The following GMDS variants were observed in gnomAD, a reference collection of about 807,000 sequenced individuals.
The protein encoded by GMDS is GDP-mannose 4,6 dehydratase.
In GMDS, 20 loss-of-function variants were observed where a neutral mutation model predicts 49.9. That is an observed-to-expected ratio of 0.40 (90% confidence interval 0.28 to 0.58). The LOEUF (loss-of-function observed/expected upper bound fraction) is 0.58. Among genes scored for constraint, GMDS ranks in the 20% least tolerant of loss-of-function variants. The pLI is 0.42. For missense variants in GMDS, 362 were observed against 481.4 expected, an observed-to-expected ratio of 0.75 and a Z score of 2.32; for synonymous variants, 177 against 178.6, an observed-to-expected ratio of 0.99 and a Z score of 0.07.
intron 7 of GMDS, among the ~76,000 whole-genome samples, chr6:1,838,651 C>A (rs1470265324): frequency 6.6e-6 from 1 of 152,090 alleles, no homozygotes; most frequent in Non-Finnish European, 1.5e-5. Flanking sequence ...GTATGAAGAG[C>A]GGAGGAATTC....
At chr6:1,686,424 G>A (rs917465707) in intron 9 of GMDS, among the ~76,000 whole-genome samples, 2 of 152,188 alleles carry the variant, frequency 1.3e-5, no homozygotes, top group Non-Finnish European at 2.9e-5. Context: ...GGGTGTGGGG[G>A]GAAGCTGATG....
chr6:1,767,248 A>G (rs1396717963), intron 7 of GMDS, among the ~76,000 whole-genome samples: 1 of 139,392 alleles, frequency 7.2e-6, no homozygotes, highest in Non-Finnish European at 1.5e-5. Context: ...TCCTTTGTAA[A>G]ATGGCTAATT....
intron 7 of GMDS, among the ~76,000 whole-genome samples, chr6:1,862,698 C>T (rs899069523): frequency 6.6e-6 from 1 of 152,218 alleles, no homozygotes; most frequent in South Asian, 2.1e-4. Context: ...TTGAAAACAT[C>T]TAACGTTTTA....
intron 2 of GMDS, among the ~76,000 whole-genome samples, chr6:2,122,357 A>G (rs1775186096): frequency 6.6e-6 from 1 of 152,188 alleles, no homozygotes; most frequent in Admixed American, 6.5e-5. Flanking sequence ...GATGCACACT[A>G]AAGGCTGAGA....
At chr6:2,010,802 G>A (rs570085377) in intron 4 of GMDS, among the ~76,000 whole-genome samples, 1 of 152,120 alleles carries the variant, frequency 6.6e-6, no homozygotes, top group African/African-American at 2.4e-5. Flanking sequence ...ATATTGCAGG[G>A]TTAAAAACAT....
At chr6:1,763,876 C>A (rs933369309) in intron 7 of GMDS, among the ~76,000 whole-genome samples, 2 of 152,178 alleles carry the variant, frequency 1.3e-5, no homozygotes, top group Non-Finnish European at 2.9e-5. Context: ...TGTCTCCACA[C>A]TGGGGGCACA....
chr6:1,863,937 T>G (rs1193402639), intron 7 of GMDS, among the ~76,000 whole-genome samples: 1 of 152,180 alleles, frequency 6.6e-6, no homozygotes, highest in African/African-American at 2.4e-5. Context: ...AAAAAAGCAT[T>G]AATCAATTTC....
At chr6:2,017,476 T>C (rs1345919107) in intron 4 of GMDS, among the ~76,000 whole-genome samples, 6 of 152,074 alleles carry the variant, frequency 3.9e-5, no homozygotes, top group African/African-American at 1.4e-4. Context: ...ACCCAGCTAA[T>C]TTTTGTATTT....
intron 1 of GMDS, among the ~76,000 whole-genome samples, chr6:2,173,412 T>C (rs1258246792): frequency 6.6e-6 from 1 of 152,188 alleles, no homozygotes; most frequent in Non-Finnish European, 1.5e-5. Flanking sequence ...ATTTGATAAC[T>C]TTAACTAATA....
rs995151406 is a variant in GMDS at position 2,191,781 on chromosome 6, G to A, written c.102+53540C>T. 6.6e-6 allele frequency among the ~76,000 whole-genome samples: 1 copy of A among 152,320 alleles called. No homozygotes were observed. Among genetic ancestry groups the A allele is most frequent in the East Asian group, 1.9e-4 (1 of 5,176 alleles). On this transcript the variant is annotated intron_variant, in intron 1 of 10. Coordinates refer to ENST00000380815, the MANE Select transcript of GMDS (RefSeq NM_001500.4). The surrounding 1 kb of genome is among the most constrained non-coding windows in gnomAD (Gnocchi z 4.6). ...CAGGTACCCCATGGATGAGCAGCCT[G>A]GGTACCACAGACCATGGCAGGAAGC...
chr6:1,685,319 C>T (rs1435234891), intron 9 of GMDS, among the ~76,000 whole-genome samples: 1 of 152,038 alleles, frequency 6.6e-6, no homozygotes. Flanking sequence ...GAGCCGAGAT[C>T]ACGCCACTGC....
intron 7 of GMDS, among the ~76,000 whole-genome samples, chr6:1,792,007 A>G (rs1177760911): frequency 6.6e-6 from 1 of 152,102 alleles, no homozygotes; most frequent in Non-Finnish European, 1.5e-5. Flanking sequence ...TGATCGATGT[A>G]TTTGAGGAAT....
chr6:2,032,283 C>G (rs973585179), intron 4 of GMDS, among the ~76,000 whole-genome samples: 1 of 152,086 alleles, frequency 6.6e-6, no homozygotes, highest in Non-Finnish European at 1.5e-5. Flanking sequence ...GGAAAGTAGC[C>G]CAGGTCAAGG....
chr6:1,894,703 T>C (rs1732233142), intron 7 of GMDS, among the ~76,000 whole-genome samples: 1 of 152,212 alleles, frequency 6.6e-6, no homozygotes, highest in African/African-American at 2.4e-5. Flanking sequence ...AAAAGCATTA[T>C]AGAGAAATGG....
chr6:2,149,183 T>C (rs183335253), intron 1 of GMDS, among the ~76,000 whole-genome samples: 3 of 152,232 alleles, frequency 2.0e-5, no homozygotes, highest in East Asian at 1.9e-4. Context: ...TTGGAATGCT[T>C]AGCTCACAGA....
chr6:1,711,736 T>C (rs918507624), intron 9 of GMDS, among the ~76,000 whole-genome samples: 5 of 152,216 alleles, frequency 3.3e-5, no homozygotes, highest in South Asian at 2.1e-4. Flanking sequence ...TGCATACCCC[T>C]TCCGTGCCCC....
intron 1 of GMDS, among the ~76,000 whole-genome samples, chr6:2,177,479 A>G (rs1778335775): frequency 6.6e-6 from 1 of 152,204 alleles, no homozygotes; most frequent in Admixed American, 6.5e-5. Flanking sequence ...GCAGCACATC[A>G]AAAAGTTTAT....
intron 4 of GMDS, among the ~76,000 whole-genome samples, chr6:2,008,716 T>C (rs528898995): frequency 2.0e-5 from 3 of 152,208 alleles, no homozygotes; most frequent in Non-Finnish European, 4.4e-5. Flanking sequence ...ATATTTTATA[T>C]CTTAAATGAA....
intron 7 of GMDS, among the ~76,000 whole-genome samples, chr6:1,805,212 A>G (rs981492840): frequency 2.0e-5 from 3 of 152,224 alleles, no homozygotes; most frequent in Admixed American, 1.3e-4. Flanking sequence ...TTTATTAAAT[A>G]TTAATATAAG....
Sources: allele counts gnomAD v4.1 joint callset (sites outside exome capture counted in the v4.1 genomes callset), GRCh38; gene constraint gnomAD v4.1.1; non-coding constraint Gnocchi (gnomAD v3.1); transcripts MANE v1.5; gene names NCBI Gene and HGNC (gene_info 2026-07-23, HGNC 2026-07-21).